The following ANKFN1 variants were observed in gnomAD, a reference collection of about 807,000 sequenced individuals.
ANKFN1 encodes ankyrin repeat and fibronectin type III domain containing 1, also known as ankyrin repeat and fibronectin type-III domain-containing protein 1.
A neutral mutation model predicts 108.7 loss-of-function variants in ANKFN1; 74 were observed. That is an observed-to-expected ratio of 0.68 (90% CI 0.56 to 0.83). The LOEUF (loss-of-function observed/expected upper bound fraction) is 0.83, where lower values mean the gene tolerates loss of function less well. Ranked by LOEUF, ANKFN1 falls within the 40% of genes least tolerant of loss-of-function variation. ANKFN1 has a pLI of 0.00. For synonymous variants in ANKFN1, 547 were observed against 516.2 expected, an observed-to-expected ratio of 1.06 and a Z score of -0.81; for missense variants, 1,505 against 1,382.3, an observed-to-expected ratio of 1.09 and a Z score of -1.41.
chr17:56,430,500 C>CCACACA (rs60148599), intron 8 of ANKFN1, among the ~76,000 whole-genome samples: 14,682 of 144,008 alleles, frequency 0.1, 816 homozygotes, highest in Middle Eastern at 0.19. Context: ...GATGCTTTTA[C>CCACACA]CACACACACA....
At chr17:56,126,862 AT>A (rs535684347) in intron 4 of ANKFN1, among the ~76,000 whole-genome samples, 105 of 152,208 alleles carry the variant, frequency 6.9e-4, no homozygotes, top group African/African-American at 2.4e-3. Context: ...AGATATTTAA[AT>A]TTTTTTTCTG....
intron 2 of ANKFN1, among the ~76,000 whole-genome samples, chr17:56,213,342 C>G (rs1915173170): frequency 6.6e-6 from 1 of 152,176 alleles, no homozygotes; most frequent in African/African-American, 2.4e-5. Context: ...CGAGCGGTGG[C>G]TGTAACCAAC....
rs547189798 is a variant in ANKFN1 at position 56,376,679 on chromosome 17, G to A, written c.910+1965G>A. Among the ~76,000 whole-genome samples, 20 of 152,222 alleles carry A rather than the reference G, an allele frequency of 1.3e-4. 1 individual carries two copies. In the South Asian group the frequency reaches 3.7e-3, roughly 28 times the overall value. ...CCCACAATGCCGGCAAATTCTATCC[G>A]CATTCACATATTAACACTTCTCATC... On this transcript the variant is annotated intron_variant, in intron 8 of 20. Transcript: ENST00000682825.
At chr17:56,093,863 A>G (rs185915285) in intron 4 of ANKFN1, among the ~76,000 whole-genome samples, 31 of 151,466 alleles carry the variant, frequency 2.0e-4, no homozygotes, top group African/African-American at 7.0e-4. Context: ...CGCCCCAACC[A>G]TTAGTATGTT....
chr17:56,310,575 C>G (rs543189295), intron 3 of ANKFN1, among the ~76,000 whole-genome samples: 20 of 151,488 alleles, frequency 1.3e-4, no homozygotes, highest in African/African-American at 4.9e-4. Context: ...CGAGATCGAG[C>G]CACTGCACTC....
In ANKFN1 at chr17:56,284,751, G is replaced by A. The variant is rs541307103; in HGVS notation, c.54-41470G>A. Reference sequence around the variant, plus strand: ...AAAAGAGGTGAGAAAATTCAAATCTGGCATAAGAACAGGGGTTTAGGAGTG... The same window carrying A: ...AAAAGAGGTGAGAAAATTCAAATCTAGCATAAGAACAGGGGTTTAGGAGTG... On this transcript the variant is annotated intron_variant, in intron 3 of 20. Transcript: ENST00000682825. Among the ~76,000 whole-genome samples, 3 of 152,286 alleles carry A rather than the reference G, an allele frequency of 2.0e-5. No individual in the cohort carries two copies. The South Asian group carries it at 6.2e-4, about 32-fold the overall frequency.
intron 8 of ANKFN1, among the ~76,000 whole-genome samples, chr17:56,378,749 A>AT (rs951002328): frequency 3.9e-5 from 6 of 152,186 alleles, no homozygotes; most frequent in African/African-American, 1.2e-4. Context: ...GTGGATTAAC[A>AT]TTTTTTGTGT....
chr17:56,220,823 GAA>G lies in ANKFN1; in HGVS notation c.13-7093_13-7092del, dbSNP rs1285587788. On this transcript the variant is annotated intron_variant, in intron 2 of 20. Coordinates refer to ENST00000682825, the MANE Select transcript of ANKFN1 (RefSeq NM_001370326.1). Reference sequence around the variant, plus strand: ...GGGAGGGAGGGAGGAAGGAAGGAAGGAAGGAAGGGAGGAAGGGAGGGAGGGAG... The same window carrying G: ...GGGAGGGAGGGAGGAAGGAAGGAAGGGGAAGGGAGGAAGGGAGGGAGGGAG... Among the ~76,000 whole-genome samples, 145 of 58,620 alleles carry G rather than the reference GAA, an allele frequency of 2.5e-3. 1 individual carries two copies. The highest frequency in any genetic ancestry group is 1.0e-2 in the East Asian group (10 of 1,004). The allele number at this position is 58,620 out of a possible 152,430, so 38.5% of individuals were successfully genotyped here.
At chr17:56,256,023 A>G (rs2043348775) in intron 3 of ANKFN1, among the ~76,000 whole-genome samples, 1 of 152,068 alleles carries the variant, frequency 6.6e-6, no homozygotes, top group Non-Finnish European at 1.5e-5. Context: ...TAATTTTAAT[A>G]AATAAATAAA....
chr17:56,202,085 C>T (rs1914112791), intron 1 of ANKFN1, among the ~76,000 whole-genome samples: 1 of 152,186 alleles, frequency 6.6e-6, no homozygotes, highest in South Asian at 2.1e-4. Flanking sequence ...TCTTTTCCAA[C>T]CCTTTTCCAG....
chr17:56,512,224 A>T lies in ANKFN1; in HGVS notation c.*955A>T, dbSNP rs2051797535. 6.6e-6 allele frequency among the ~76,000 whole-genome samples: 1 copy of T among 152,220 alleles called. No homozygotes were observed. The highest frequency in any genetic ancestry group is 1.5e-5 in the Non-Finnish European group (1 of 68,046). ...ATCAGCTCCAGATTCTTTGGTGATG[A>T]AATTGTCATTGAACCAGAAAGTGCC... On this transcript the variant is annotated 3_prime_UTR_variant, in exon 21 of 21. Transcript: ENST00000682825.
intron 3 of ANKFN1, among the ~76,000 whole-genome samples, chr17:56,322,715 A>C (rs901930527): frequency 6.6e-6 from 1 of 152,220 alleles, no homozygotes; most frequent in Non-Finnish European, 1.5e-5. Flanking sequence ...GTTCCAGTTC[A>C]AACGCCACCT....
chr17:56,076,545 A>T (rs1238956247), intron 4 of ANKFN1, among the ~76,000 whole-genome samples: 1 of 152,202 alleles, frequency 6.6e-6, no homozygotes, highest in South Asian at 2.1e-4. Flanking sequence ...AATGATTAAT[A>T]TTACCATCTC....
At chr17:56,209,613 A>G (rs1914813860) in intron 1 of ANKFN1, among the ~76,000 whole-genome samples, 1 of 152,240 alleles carries the variant, frequency 6.6e-6, no homozygotes, top group Non-Finnish European at 1.5e-5. Context: ...CCAGATATGC[A>G]TTTAATAAAT....
intron 4 of ANKFN1, among the ~76,000 whole-genome samples, chr17:56,091,714 A>C (rs570192537): frequency 6.6e-6 from 1 of 151,634 alleles, no homozygotes; most frequent in South Asian, 2.1e-4. Flanking sequence ...TTTCAATCAA[A>C]GAGGGAGATG....
In ANKFN1 at chr17:56,123,064, G is replaced by A. The variant is rs962624871; in HGVS notation, c.288+76739G>A. 4.6e-5 allele frequency among the ~76,000 whole-genome samples: 7 copies of A among 152,324 alleles called. No individual in the cohort carries two copies. In the Middle Eastern group the frequency reaches 0.01, roughly 222 times the overall value. On this transcript the variant is annotated intron_variant, in intron 4 of 12. Transcript: ENST00000635860. Reference sequence around the variant, plus strand: ...ACTTTACTAAGCATTTTCCTTGGAGGAGTTCATTGAATCCTCTACCATTAT... The same window carrying A: ...ACTTTACTAAGCATTTTCCTTGGAGAAGTTCATTGAATCCTCTACCATTAT...
intron 5 of ANKFN1, among the ~76,000 whole-genome samples, chr17:56,351,766 A>G (rs752382629): frequency 4.6e-5 from 7 of 152,208 alleles, no homozygotes; most frequent in Admixed American, 1.3e-4. Flanking sequence ...GTATTCTCAT[A>G]TAATAGTTTC....
chr17:56,233,019 AT>A (rs1916852089), intron 3 of ANKFN1, among the ~76,000 whole-genome samples: 1 of 152,242 alleles, frequency 6.6e-6, no homozygotes, highest in African/African-American at 2.4e-5. Flanking sequence ...TTCCTGACAA[AT>A]AAAATATAGT....
chr17:56,307,631 G>A (rs1323116240), intron 3 of ANKFN1, among the ~76,000 whole-genome samples: 3 of 152,194 alleles, frequency 2.0e-5, no homozygotes, highest in Non-Finnish European at 4.4e-5. Flanking sequence ...CTGTTGGTGG[G>A]ACTGTAAACT....
Sources: allele counts gnomAD v4.1 joint callset (sites outside exome capture counted in the v4.1 genomes callset), GRCh38; gene constraint gnomAD v4.1.1; transcripts MANE v1.5; gene names NCBI Gene and HGNC (gene_info 2026-07-23, HGNC 2026-07-21).